The following KANSL1 variants were observed in gnomAD, a reference collection of about 807,000 sequenced individuals.
The protein encoded by KANSL1 is KAT8 regulatory NSL complex subunit 1, also known as MLL1/MLL complex subunit KANSL1.
Under a neutral mutation model 103.6 loss-of-function variants are expected in KANSL1, and 22 were observed. The observed-to-expected ratio is 0.21, with a 90% confidence interval of 0.15 to 0.30. The LOEUF (loss-of-function observed/expected upper bound fraction) is 0.30. KANSL1 is among the 10% of genes least tolerant of loss of function. KANSL1 has a pLI of 1.00. For missense variants in KANSL1, 1,337 were observed against 1,399.8 expected (o/e 0.96, Z 0.72); for synonymous variants, 600 against 527.6 (o/e 1.14, Z -1.88).
chr17:46,094,931 T>C (rs891014247), intron 2 of KANSL1, among the ~76,000 whole-genome samples: 1 of 152,236 alleles, frequency 6.6e-6, no homozygotes, highest in Non-Finnish European at 1.5e-5. Flanking sequence ...AGCATCCTGA[T>C]CCTGTGGCAC....
chr17:46,180,253 T>C (rs2046720974), intron 1 of KANSL1, among the ~76,000 whole-genome samples: 1 of 152,034 alleles, frequency 6.6e-6, no homozygotes, highest in Non-Finnish European at 1.5e-5. Context: ...CCCCGCACTT[T>C]GGGAGGCTGA....
At chr17:46,115,472 C>T (rs1482422099) in intron 2 of KANSL1, among the ~76,000 whole-genome samples, 3 of 152,074 alleles carry the variant, frequency 2.0e-5, no homozygotes, top group Admixed American at 1.3e-4. Flanking sequence ...ATATTACCCC[C>T]GTCCCCACCC....
intron 2 of KANSL1, among the ~76,000 whole-genome samples, chr17:46,151,707 G>A (rs77829802): frequency 0.11 from 17,282 of 150,372 alleles, no homozygotes; most frequent in Non-Finnish European, 0.17. Context: ...TGTGAGTGAC[G>A]AGGAATATTC....
At chr17:46,200,570 G>A (rs1294863446) in intron 1 of KANSL1, among the ~76,000 whole-genome samples, 1 of 152,038 alleles carries the variant, frequency 6.6e-6, no homozygotes, top group Non-Finnish European at 1.5e-5. Flanking sequence ...GTGAAACTCC[G>A]TCTCTACTAA....
Position 46,082,440 on chromosome 17 carries a change from C to T in KANSL1, c.1533+1G>A, listed in dbSNP as rs771780488. 1 of 1,590,574 alleles carries T rather than the reference C, an allele frequency of 6.3e-7. No individual in the cohort carries two copies. The highest frequency in any genetic ancestry group is 8.6e-7 in the Non-Finnish European group (1 of 1,158,838). On this transcript the variant is annotated splice_donor_variant, in intron 4 of 14. Coordinates refer to ENST00000432791, the MANE Select transcript of KANSL1 (RefSeq NM_015443.4). LOFTEE classifies it high-confidence loss of function. ...TCCCCCTTTCTATCTTTTATACTTACCAATTTATCAGTCCCATGATCTGTC... is the reference window on the plus strand; with the variant it reads ...TCCCCCTTTCTATCTTTTATACTTATCAATTTATCAGTCCCATGATCTGTC...
At chr17:46,193,755 G>C (rs1300880429), upstream of KANSL1, 1 of 185,192 alleles carries the variant, frequency 5.4e-6, no homozygotes, top group Non-Finnish European at 1.2e-5. Flanking sequence ...CTAACCTGAG[G>C]CACTGACGCC....
chr17:46,172,865 G>A (rs2046354445), intron 1 of KANSL1, among the ~76,000 whole-genome samples: 1 of 152,184 alleles, frequency 6.6e-6, no homozygotes, highest in Non-Finnish European at 1.5e-5. Flanking sequence ...TCTCAGCCTA[G>A]GAATTTACTC....
chr17:46,091,029 C>T (rs190528253), intron 3 of KANSL1, among the ~76,000 whole-genome samples: 52 of 152,296 alleles, frequency 3.4e-4, no homozygotes, highest in Middle Eastern at 6.8e-3. Context: ...TGTGAAACAG[C>T]CTCCAGCAGG....
chr17:46,182,110 C>T (rs1026832377), intron 1 of KANSL1, among the ~76,000 whole-genome samples: 3 of 152,192 alleles, frequency 2.0e-5, no homozygotes, highest in African/African-American at 4.8e-5. Context: ...AGCGTGCTAA[C>T]TTTATCGAGA....
chr17:46,102,540 G>A (rs1267225117), intron 2 of KANSL1, among the ~76,000 whole-genome samples: 1 of 152,114 alleles, frequency 6.6e-6, no homozygotes, highest in East Asian at 1.9e-4. Context: ...GTGAGCCACA[G>A]CACCCAGCCC....
At chr17:46,220,172 G>C (rs2048481375) in intron 1 of KANSL1, among the ~76,000 whole-genome samples, 1 of 152,110 alleles carries the variant, frequency 6.6e-6, no homozygotes, top group Non-Finnish European at 1.5e-5. Flanking sequence ...CTGACTTCCA[G>C]ACACAGAAAG....
chr17:46,204,579 G>A (rs1185253196), intron 1 of KANSL1, among the ~76,000 whole-genome samples: 1 of 152,216 alleles, frequency 6.6e-6, no homozygotes, highest in Non-Finnish European at 1.5e-5. Context: ...CCAAGATGAA[G>A]CCAAGAACAC....
chr17:46,130,210 G>GAAAAAAAAAAAAAAAAA (rs2043792565), intron 2 of KANSL1, among the ~76,000 whole-genome samples: 1 of 113,212 alleles, frequency 8.8e-6, no homozygotes, highest in Non-Finnish European at 2.1e-5. Flanking sequence ...AAAAAAAAAG[G>GAAAAAAAAAAAAAAAAA]AATCAACTAG....
chr17:46,147,235 T>A (rs1174177295), intron 2 of KANSL1, among the ~76,000 whole-genome samples: 1 of 152,204 alleles, frequency 6.6e-6, no homozygotes, highest in African/African-American at 2.4e-5. Context: ...TATTTCGTAT[T>A]ACTGGTTTAA....
At chr17:46,215,435 T>C (rs1297029685) in intron 1 of KANSL1, among the ~76,000 whole-genome samples, 1 of 152,178 alleles carries the variant, frequency 6.6e-6, no homozygotes, top group Non-Finnish European at 1.5e-5. Context: ...CGCTTGAACA[T>C]GCATTTTACA....
At chr17:46,216,362 G>C (rs1242247212) in intron 1 of KANSL1, among the ~76,000 whole-genome samples, 5 of 152,108 alleles carry the variant, frequency 3.3e-5, no homozygotes. Context: ...CACTTTGGGA[G>C]GCCGAGGCAG....
intron 2 of KANSL1, among the ~76,000 whole-genome samples, chr17:46,123,815 G>C (rs1389274989): frequency 6.6e-6 from 1 of 152,222 alleles, no homozygotes; most frequent in African/African-American, 2.4e-5. Flanking sequence ...AGTGCTGATG[G>C]AGAAGCTGTG....
intron 2 of KANSL1, among the ~76,000 whole-genome samples, chr17:46,096,306 T>TTTTTC (rs1276664850): frequency 8.1e-6 from 1 of 122,968 alleles, no homozygotes; most frequent in African/African-American, 3.1e-5. Flanking sequence ...ACCTGGCTTT[T>TTTTTC]TTTTCTTTTT....
intron 3 of KANSL1, among the ~76,000 whole-genome samples, chr17:46,084,538 TG>T (rs1373110593): frequency 1.3e-5 from 2 of 151,256 alleles, no homozygotes; most frequent in Non-Finnish European, 2.9e-5. Flanking sequence ...AAAAAATAGC[TG>T]GGCGTGGTGG....
Sources: allele counts gnomAD v4.1 joint callset (sites outside exome capture counted in the v4.1 genomes callset), GRCh38; gene constraint gnomAD v4.1.1; transcripts MANE v1.5; gene names NCBI Gene and HGNC (gene_info 2026-07-23, HGNC 2026-07-21).